The following NKAP variants were observed in gnomAD, a reference collection of about 807,000 sequenced individuals.
NKAP encodes NF-kappa-B-activating protein.
Under a neutral mutation model 35.6 loss-of-function variants are expected in NKAP, and 4 were observed. That is an observed-to-expected ratio of 0.11 (90% CI 0.06 to 0.26). NKAP has a LOEUF of 0.26. NKAP is among the 10% of genes least tolerant of loss of function. The pLI, the probability that NKAP is intolerant of heterozygous loss-of-function variation, is 1.00. For missense variants in NKAP, 238 were observed against 321.9 expected, an observed-to-expected ratio of 0.74 and a Z score of 1.99; for synonymous variants, 106 against 119.2, an observed-to-expected ratio of 0.89 and a Z score of 0.72.
In NKAP at chrX:119,925,292, C is replaced by T. The variant is rs1174655378; in HGVS notation, c.1176G>A (p.Lys392=). The stretch of plus-strand genomic sequence containing the variant: ...AACTGGCCAGAATCTTGTTCTCTCT[C>T]TTTCGTCTCTCTTCTTGGTTAAAGG... ...LASFNQEERR[K]RENKILASFR... Residue 392 remains lysine, a synonymous_variant, in exon 9 of 9, where the codon AAG becomes AAA. Coordinates refer to ENST00000371410, the MANE Select transcript of NKAP (RefSeq NM_024528.4). The T allele has an allele frequency of 8.3e-7, 1 of 1,209,302 alleles. No individual in the cohort carries two copies. Among genetic ancestry groups the T allele is most frequent in the Non-Finnish European group, 1.1e-6 (1 of 895,114 alleles).
rs194307 is a variant in NKAP at position 119,936,448 on chromosome X, T to G, written c.539-17A>C. On this transcript the variant is annotated splice_polypyrimidine_tract_variant and intron_variant, in intron 3 of 8. Transcript: ENST00000371410. The stretch of plus-strand genomic sequence containing the variant: ...TTTTTTCTTCTAAGAAAGTACAAAT[T>G]AAAAAATTATATTCTAAAAAACTAT... 3 of 1,109,036 alleles carry G rather than the reference T, an allele frequency of 2.7e-6. No individual in the cohort carries two copies. Among genetic ancestry groups the G allele is most frequent in the South Asian group, 4.1e-5 (2 of 49,018 alleles). The allele number at this position is 1,109,036 out of a possible 1,213,427, so 91.4% of individuals were successfully genotyped here. A position where few individuals can be genotyped will look rare whatever the true frequency, so the allele number is the denominator to read the frequency against.
In NKAP at chrX:119,924,761, A is replaced by C. The variant is rs915217735; in HGVS notation, c.*459T>G. ...GAGTGCAGTGGCACAATCTCGGCTC[A>C]CTGCAACCTCCACCTCCTAGGTTCA... is the stretch of plus-strand genomic sequence containing the variant. On this transcript the variant is annotated 3_prime_UTR_variant, in exon 9 of 9. Transcript: ENST00000371410. 1 of 116,135 alleles carries C rather than the reference A, an allele frequency of 8.6e-6. No homozygotes were observed. Among genetic ancestry groups the C allele is most frequent in the African/African-American group, 3.3e-5 (1 of 29,991 alleles). 9.6% of individuals were successfully genotyped at this position (116,135 alleles called of 1,213,427 possible). A position where few individuals can be genotyped will look rare whatever the true frequency, so the allele number is the denominator to read the frequency against.
chrX:119,926,978 T>C (rs1055105478), intron 8 of NKAP, among the ~76,000 whole-genome samples: 2 of 98,182 alleles, frequency 2.0e-5, no homozygotes, highest in Non-Finnish European at 4.1e-5. Context: ...GGAGAATCAT[T>C]TGAACCCAGG....
rs781745553 is a variant in NKAP at position 119,932,099 on chromosome X, G to GA, written c.847+7dup. The GA allele has an allele frequency of 1.6e-5, 19 of 1,194,911 alleles. No homozygotes were observed. Among genetic ancestry groups the GA allele is most frequent in the Non-Finnish European group, 2.0e-5 (18 of 881,056 alleles). On this transcript the variant is annotated splice_region_variant and intron_variant, in intron 6 of 8. Transcript: ENST00000371410. ...TCTGTTCTGAGTTAGTCTATCAGAA[G>GA]AACCTACTTGTTCGATCCTTCCAGG...
Position 119,922,865 on chromosome X carries a change from C to G in NKAP, c.*2355G>C, listed in dbSNP as rs1824373102. On this transcript the variant is annotated 3_prime_UTR_variant, in exon 9 of 9. Coordinates refer to ENST00000371410, the MANE Select transcript of NKAP (RefSeq NM_024528.4). ...GTATAATCAGAATGTCCTTATCACT[C>G]AGGTAATTTAAATTTATCATAGGCA... is the stretch of plus-strand genomic sequence containing the variant. 8.9e-6 allele frequency: 1 copy of G among 111,864 alleles called. No homozygotes were observed. The highest frequency in any genetic ancestry group is 1.9e-5 in the Non-Finnish European group (1 of 53,221). The allele number at this position is 111,864 out of a possible 1,213,427, so 9.2% of individuals were successfully genotyped here.
Position 119,932,206 on chromosome X carries a change from T to C in NKAP, c.748A>G (p.Lys250Glu). 8.5e-7 allele frequency: 1 copy of C among 1,176,055 alleles called. No individual in the cohort carries two copies. Among genetic ancestry groups the C allele is most frequent in the Non-Finnish European group, 1.2e-6 (1 of 868,471 alleles). Residue 250 changes from lysine to glutamate, a missense_variant, in exon 6 of 9, where the codon AAG becomes GAG. Lys to Glu is a moderately conservative substitution (Grantham distance 56). Around this residue, in one of 5 missense-constraint regions of NKAP, gnomAD observed 89 missense variants for 91.7 expected, o/e 0.97. Coordinates refer to ENST00000371410, the MANE Select transcript of NKAP (RefSeq NM_024528.4). ...KKKKHRSKKY[K>E]KKRSKKSRKE... ...CTGCTCTTCTTAGACCTCTTTTTCT[T>C]ATATTTCTTCCTATAGGGATTTTAA...
At chrX:119,926,399 C>T (rs1315064744) in intron 8 of NKAP, among the ~76,000 whole-genome samples, 2 of 109,280 alleles carry the variant, frequency 1.8e-5, no homozygotes, top group Middle Eastern at 4.6e-3. Flanking sequence ...CCCGAGTAGC[C>T]GGGAGTACAG....
In NKAP at chrX:119,943,461, G is replaced by C. The variant is rs1328838406; in HGVS notation, c.145C>G (p.Arg49Gly). The part of the protein sequence containing the change: ...GRRSRSHSCS[R>G]SGDRNGLTHQ... ...GTGAGTCCATTCCGGTCCCCGGACC[G>C]AGAGCAAGAGTGCGAGCGAGAGCGG... Residue 49 changes from arginine (R) to glycine (G), a missense_variant, in exon 1 of 9, where the codon CGG becomes GGG. Arg to Gly is a moderately radical substitution (Grantham distance 125). This residue lies in a region of NKAP where 123 missense variants were observed against 115.3 expected (regional missense o/e 1.07). Coordinates refer to ENST00000371410, the MANE Select transcript of NKAP (RefSeq NM_024528.4). 3 of 1,211,432 alleles carry C rather than the reference G, an allele frequency of 2.5e-6. No homozygotes were observed. The highest frequency in any genetic ancestry group is 4.3e-5 in the Admixed American group (2 of 46,015).
intron 7 of NKAP, among the ~76,000 whole-genome samples, chrX:119,930,483 G>T (rs5910708): frequency 9.0e-6 from 1 of 111,384 alleles, no homozygotes; most frequent in Admixed American, 9.6e-5. Context: ...TGTCATTACT[G>T]GTTCTGGCTC....
chrX:119,931,970 T>C lies in NKAP; in HGVS notation c.889A>G (p.Lys297Glu). 1 of 1,205,928 alleles carries C rather than the reference T, an allele frequency of 8.3e-7. No homozygotes were observed. Among genetic ancestry groups the C allele is most frequent in the Non-Finnish European group, 1.1e-6 (1 of 891,582 alleles). ...PSDLIGPEAP[K>E]TLTSQDDKPL... ...TTATCATCTTGAGAGGTAAGTGTTTTTGGAGCCTCTGGGCCAATTAAATCT... is the reference window on the plus strand; with the variant it reads ...TTATCATCTTGAGAGGTAAGTGTTTCTGGAGCCTCTGGGCCAATTAAATCT... Residue 297 changes from lysine (K) to glutamate (E), a missense_variant, in exon 7 of 9, where the codon AAA becomes GAA. Physicochemically the swap from Lys to Glu is moderately conservative, Grantham distance 56. Around this residue, in one of 5 missense-constraint regions of NKAP, gnomAD observed 89 missense variants for 91.7 expected, o/e 0.97. Coordinates refer to ENST00000371410, the MANE Select transcript of NKAP (RefSeq NM_024528.4).
Position 119,936,359 on chromosome X carries a change from C to G in NKAP, c.611G>C (p.Arg204Thr), listed in dbSNP as rs754160570. ...KKRRKKKSSK[R>T]KHKKYSEDSD... Reference sequence around the variant, plus strand: ...ATCTTCAGAATACTTCTTATGTTTTCTTTTCGATGATTTTTTCTTTCTCCT... The same window carrying G: ...ATCTTCAGAATACTTCTTATGTTTTGTTTTCGATGATTTTTTCTTTCTCCT... The change falls in exon 4 of 9, where the codon AGA becomes ACA. Residue 204 changes from arginine (R) to threonine (T), a missense_variant. Coordinates refer to ENST00000371410, the MANE Select transcript of NKAP (RefSeq NM_024528.4). 2.5e-6 allele frequency: 3 copies of G among 1,190,986 alleles called. No individual in the cohort carries two copies. Among genetic ancestry groups the G allele is most frequent in the Non-Finnish European group, 3.4e-6 (3 of 886,775 alleles).
At chrX:119,942,534 T>C (rs2056798335) in intron 1 of NKAP, among the ~76,000 whole-genome samples, 1 of 111,430 alleles carries the variant, frequency 9.0e-6, no homozygotes, top group African/African-American at 3.3e-5. Context: ...CTCACTTTGA[T>C]TAGAGATCTA....
chrX:119,934,447 A>G (rs1603380216), intron 5 of NKAP, 47 bp downstream of exon 5: 1 of 743,274 alleles, frequency 1.3e-6, no homozygotes, highest in Non-Finnish European at 1.9e-6. Context: ...AAAAAAAAAA[A>G]AAAAAAAAGA....
chrX:119,934,131 A>T (rs2056754519), intron 5 of NKAP, among the ~76,000 whole-genome samples: 1 of 110,401 alleles, frequency 9.1e-6, no homozygotes, highest in Non-Finnish European at 1.9e-5. Flanking sequence ...ATGTAATTTT[A>T]TATGCATTTG....
At chrX:119,928,438 GA>G (rs1435794126) in intron 8 of NKAP, among the ~76,000 whole-genome samples, 1 of 112,195 alleles carries the variant, frequency 8.9e-6, no homozygotes, top group Non-Finnish European at 1.9e-5. Context: ...AAATGCAATG[GA>G]TTTTTGTGTA....
chrX:119,940,184 C>T (rs2147850118), intron 1 of NKAP, among the ~76,000 whole-genome samples: 1 of 109,707 alleles, frequency 9.1e-6, no homozygotes, highest in African/African-American at 3.3e-5. Flanking sequence ...AAAAAAAATA[C>T]AAAAATTAGC....
intron 5 of NKAP, among the ~76,000 whole-genome samples, chrX:119,933,446 C>T (rs2056751191): frequency 8.9e-6 from 1 of 111,840 alleles, no homozygotes; most frequent in African/African-American, 3.3e-5. Flanking sequence ...AACAGCACCA[C>T]TTATGAAGTA....
At chrX:119,926,350 T>C (rs1471411340) in intron 8 of NKAP, among the ~76,000 whole-genome samples, 1 of 111,026 alleles carries the variant, frequency 9.0e-6, no homozygotes, top group African/African-American at 3.3e-5. Context: ...CACTGCGACC[T>C]CTGCCTCCTG....
At chrX:119,926,229 T>C (rs1368465794) in intron 8 of NKAP, among the ~76,000 whole-genome samples, 1 of 105,187 alleles carries the variant, frequency 9.5e-6, no homozygotes, top group East Asian at 2.9e-4. Flanking sequence ...GTGCTGGGAT[T>C]ACAGGCGTGA....
Sources: allele counts gnomAD v4.1 joint callset (sites outside exome capture counted in the v4.1 genomes callset), GRCh38; gene constraint gnomAD v4.1.1; regional missense constraint gnomAD v4.1.1; transcripts MANE v1.5; gene names NCBI Gene and HGNC (gene_info 2026-07-23, HGNC 2026-07-21).